The following DPYD variants were observed in gnomAD, a reference collection of about 807,000 sequenced individuals.
The protein encoded by DPYD is dihydropyrimidine dehydrogenase.
In DPYD, 109 loss-of-function variants were observed where a neutral mutation model predicts 116.2. The ratio of observed to expected loss-of-function variants is 0.94; its 90% confidence interval spans 0.80 to 1.10. The LOEUF (loss-of-function observed/expected upper bound fraction) is 1.10. Among genes scored for constraint, DPYD ranks in the 50% least tolerant of loss-of-function variants. DPYD has a pLI of 0.00. For missense variants in DPYD, 1,302 were observed against 1,254.5 expected (o/e 1.04, Z -0.57); for synonymous variants, 440 against 432.0 (o/e 1.02, Z -0.23).
At chr1:97,624,451 T>C (rs1027848382) in intron 8 of DPYD, among the ~76,000 whole-genome samples, 4 of 151,922 alleles carry the variant, frequency 2.6e-5, no homozygotes, top group African/African-American at 9.7e-5. Flanking sequence ...ATAACTTTTA[T>C]TAAAAAGATG....
chr1:97,360,045 G>A (rs1270167902), intron 16 of DPYD, among the ~76,000 whole-genome samples: 2 of 152,094 alleles, frequency 1.3e-5, no homozygotes, highest in Admixed American at 6.6e-5. Context: ...TCAGTGTGCT[G>A]TATTCAGGAG....
Position 97,887,935 on chromosome 1 carries a change from T to C in DPYD, c.40-4561A>G, listed in dbSNP as rs534528198. On this transcript the variant is annotated intron_variant, in intron 1 of 22. Coordinates refer to ENST00000370192, the MANE Select transcript of DPYD (RefSeq NM_000110.4). ...CTTCCTGCTGTCATGTGAAGAAGGA[T>C]GTGTTTGCTTCCCCTTCTGCCATGA... Among the ~76,000 whole-genome samples, 510 of 152,190 alleles carry C rather than the reference T, an allele frequency of 3.4e-3. 4 individuals carry two copies. Among genetic ancestry groups the C allele is most frequent in the Middle Eastern group, 0.017 (5 of 294 alleles).
At chr1:97,262,380 G>C (rs1663946111) in intron 18 of DPYD, among the ~76,000 whole-genome samples, 1 of 152,026 alleles carries the variant, frequency 6.6e-6, no homozygotes, top group South Asian at 2.1e-4. Flanking sequence ...TCCACATAGG[G>C]TTGAACACAT....
intron 2 of DPYD, among the ~76,000 whole-genome samples, chr1:97,876,841 T>C (rs1296652395): frequency 1.3e-5 from 2 of 152,016 alleles, no homozygotes; most frequent in East Asian, 3.9e-4. Flanking sequence ...ACAGTGGATT[T>C]AGGAGGAAAT....
intron 10 of DPYD, among the ~76,000 whole-genome samples, chr1:97,585,050 T>C (rs1571006204): frequency 6.6e-6 from 1 of 151,930 alleles, no homozygotes; most frequent in Admixed American, 6.6e-5. Flanking sequence ...AAATTATATA[T>C]TTTGAAAATT....
intron 2 of DPYD, among the ~76,000 whole-genome samples, chr1:97,882,325 C>A (rs1672267616): frequency 6.6e-6 from 1 of 151,842 alleles, no homozygotes; most frequent in Non-Finnish European, 1.5e-5. Flanking sequence ...TGCCCAGTGG[C>A]TGGTGATAGA....
At chr1:97,809,314 C>T (rs1176031464) in intron 3 of DPYD, among the ~76,000 whole-genome samples, 1 of 152,168 alleles carries the variant, frequency 6.6e-6, no homozygotes, top group Non-Finnish European at 1.5e-5. Flanking sequence ...CATACACACA[C>T]AGACACGTGA....
At chr1:97,195,655 TA>T in intron 19 of DPYD, among the ~76,000 whole-genome samples, 1 of 21,160 alleles carries the variant, frequency 4.7e-5, no homozygotes. Flanking sequence ...TATATATATA[TA>T]TATATATATA....
upstream of DPYD, chr1:97,921,040 C>G (rs1217298308): frequency 3.0e-6 from 4 of 1,322,286 alleles, no homozygotes; most frequent in Non-Finnish European, 4.2e-6. Context: ...AGACTAGGGC[C>G]GGCGGCGCGG....
At chr1:97,278,959 T>G (rs1328491573) in intron 18 of DPYD, among the ~76,000 whole-genome samples, 1 of 152,100 alleles carries the variant, frequency 6.6e-6, no homozygotes, top group African/African-American at 2.4e-5. Context: ...ACACTAAACT[T>G]GAGCTTCTGA....
At chr1:97,273,610 T>G (rs959818138) in intron 18 of DPYD, among the ~76,000 whole-genome samples, 1 of 152,182 alleles carries the variant, frequency 6.6e-6, no homozygotes, top group African/African-American at 2.4e-5. Context: ...CTTTTTGCAT[T>G]TATCTAGGAA....
chr1:97,323,311 T>C lies in DPYD; in HGVS notation c.2059-17014A>G, dbSNP rs540955705. 1.2e-4 allele frequency among the ~76,000 whole-genome samples: 18 copies of C among 146,470 alleles called. 1 individual carries two copies. In the South Asian group the frequency reaches 3.9e-3, roughly 32 times the overall value. On this transcript the variant is annotated intron_variant, in intron 16 of 22. Coordinates refer to ENST00000370192, the MANE Select transcript of DPYD (RefSeq NM_000110.4). ...ATACATATGTGTATATGTACACGTA[T>C]ATATACATATGTGTATATGTACACG...
chr1:97,741,936 AG>A (rs1664291329), intron 3 of DPYD, among the ~76,000 whole-genome samples: 1 of 152,164 alleles, frequency 6.6e-6, no homozygotes, highest in East Asian at 1.9e-4. Flanking sequence ...AGCAAATGAC[AG>A]TGGGATTCTG....
chr1:97,424,988 CAAT>C (rs1159348652), intron 14 of DPYD, among the ~76,000 whole-genome samples: 6 of 151,958 alleles, frequency 3.9e-5, no homozygotes, highest in African/African-American at 1.2e-4. Context: ...GAAGTTATAA[CAAT>C]AATATCACAT....
At chr1:97,532,507 G>T (rs571882915) in intron 12 of DPYD, among the ~76,000 whole-genome samples, 1 of 152,070 alleles carries the variant, frequency 6.6e-6, no homozygotes, top group Non-Finnish European at 1.5e-5. Context: ...CCACCTGGTC[G>T]TAGGCTTTCC....
chr1:97,397,887 G>A (rs1449651871), intron 14 of DPYD, among the ~76,000 whole-genome samples: 1 of 151,840 alleles, frequency 6.6e-6, no homozygotes, highest in Non-Finnish European at 1.5e-5. Flanking sequence ...AAGGAGTAGA[G>A]TTGTTGGATC....
intron 18 of DPYD, among the ~76,000 whole-genome samples, chr1:97,263,040 G>A (rs931006826): frequency 1.3e-5 from 2 of 152,180 alleles, no homozygotes; most frequent in Admixed American, 1.3e-4. Flanking sequence ...AATTCAACAA[G>A]CTTGATCTTG....
intron 18 of DPYD, among the ~76,000 whole-genome samples, chr1:97,246,156 C>T (rs1306679942): frequency 6.6e-6 from 1 of 152,106 alleles, no homozygotes; most frequent in Non-Finnish European, 1.5e-5. Context: ...TGTTTAGTTG[C>T]TCTATCAATT....
chr1:97,619,115 T>C (rs1209935079), intron 8 of DPYD, among the ~76,000 whole-genome samples: 5 of 152,180 alleles, frequency 3.3e-5, no homozygotes, highest in Non-Finnish European at 1.5e-5. Context: ...TGGTAAAATT[T>C]TGTTGTTTTA....
Sources: gnomAD v4.1 joint callset for allele counts (sites outside exome capture counted in the v4.1 genomes callset) on GRCh38, gnomAD v4.1.1 for gene constraint, MANE v1.5 for transcripts, NCBI Gene and HGNC (gene_info 2026-07-23, HGNC 2026-07-21) for gene names.